Variants in RIMS1 observed in about 807,000 individuals in gnomAD.
RIMS1 encodes regulating synaptic membrane exocytosis protein 1.
A neutral mutation model predicts 214.1 loss-of-function variants in RIMS1; 83 were observed. That is an observed-to-expected ratio of 0.39 (90% CI 0.32 to 0.47). The LOEUF is 0.47. Among genes scored for constraint, RIMS1 ranks in the 20% least tolerant of loss-of-function variants. The probability of loss-of-function intolerance (pLI) is 0.99; values close to 1 mark genes in which losing one functional copy is unlikely to be tolerated. For missense variants in RIMS1, 2,050 were observed against 2,161.8 expected (o/e 0.95, Z 1.03); for synonymous variants, 793 against 786.8 (o/e 1.01, Z -0.13).
At chr6:71,963,680 C>T (rs368787978) in intron 1 of RIMS1, among the ~76,000 whole-genome samples, 1 of 151,982 alleles carries the variant, frequency 6.6e-6, no homozygotes. Flanking sequence ...AGAGAGTGAA[C>T]GTTACTCAAA....
intron 24 of RIMS1, among the ~76,000 whole-genome samples, chr6:72,286,726 G>A (rs1021817364): frequency 2.0e-5 from 3 of 151,788 alleles, no homozygotes; most frequent in Non-Finnish European, 2.9e-5. Flanking sequence ...CACGTGAACC[G>A]AAGACACAGT....
rs189843563 is a variant in RIMS1 at position 72,379,410 on chromosome 6, A to T, written c.4367-11188A>T. Among the ~76,000 whole-genome samples, 343 of 152,370 alleles carry T rather than the reference A, an allele frequency of 2.3e-3. 2 individuals carry two copies. Among genetic ancestry groups the T allele is most frequent in the Non-Finnish European group, 4.1e-3 (280 of 68,038 alleles). Reference sequence around the variant, plus strand: ...ATGTGGTCAGTCCTTAACTTAGAAGATAGGAAGTTTACCAGTAAAACAAAT... The same window carrying T: ...ATGTGGTCAGTCCTTAACTTAGAAGTTAGGAAGTTTACCAGTAAAACAAAT... On this transcript the variant is annotated intron_variant, in intron 29 of 33. Coordinates refer to ENST00000521978, the MANE Select transcript of RIMS1 (RefSeq NM_014989.7).
intron 29 of RIMS1, among the ~76,000 whole-genome samples, chr6:72,387,486 C>T (rs1267917798): frequency 1.3e-5 from 2 of 152,220 alleles, no homozygotes; most frequent in Non-Finnish European, 2.9e-5. Context: ...GTGGCCACTG[C>T]TCTACCATAG....
chr6:72,088,937 G>C lies in RIMS1; in HGVS notation c.246-8012G>C, dbSNP rs117292761. ...AGAGAAGAGAGGGAAGGAGAGGTGAGGAGGGGAAGGAAAGGAGGGGAAGAG... is the reference window on the plus strand; with the variant it reads ...AGAGAAGAGAGGGAAGGAGAGGTGACGAGGGGAAGGAAAGGAGGGGAAGAG... On this transcript the variant is annotated intron_variant, in intron 2 of 33. Transcript: ENST00000521978. Among the ~76,000 whole-genome samples the C allele has an allele frequency of 3.0e-4, 46 of 151,636 alleles. 3 individuals are homozygous for C. The East Asian group carries it at 8.0e-3, about 26-fold the overall frequency.
At chr6:72,310,433 C>T (rs546104881) in intron 27 of RIMS1, among the ~76,000 whole-genome samples, 1 of 151,800 alleles carries the variant, frequency 6.6e-6, no homozygotes, top group Non-Finnish European at 1.5e-5. Context: ...TACAGAGTGG[C>T]ATACCTTAAT....
At chr6:72,392,075 A>G (rs1020354594) in intron 30 of RIMS1, among the ~76,000 whole-genome samples, 2 of 152,240 alleles carry the variant, frequency 1.3e-5, no homozygotes, top group African/African-American at 4.8e-5. Flanking sequence ...TAATGAGCAT[A>G]GTTGTCATTA....
In RIMS1 at chr6:72,192,131, C is replaced by T. The variant is rs372233330; in HGVS notation, c.1678+8982C>T. Among the ~76,000 whole-genome samples the T allele has an allele frequency of 5.3e-5, 8 of 152,248 alleles. No individual in the cohort carries two copies. The South Asian group carries it at 6.2e-4, about 12-fold the overall frequency. ...TGGGGAAATGGCCACAGGATGTGTC[C>T]GGGGACCCACTGGACCCACTGTAAG... On this transcript the variant is annotated intron_variant, in intron 6 of 33. Coordinates refer to ENST00000521978, the MANE Select transcript of RIMS1 (RefSeq NM_014989.7).
At chr6:72,220,636 T>C (rs547723585) in intron 6 of RIMS1, among the ~76,000 whole-genome samples, 45 of 152,124 alleles carry the variant, frequency 3.0e-4, no homozygotes, top group Non-Finnish European at 6.3e-4. Flanking sequence ...GGTGTTTTCA[T>C]TGGCTCTGCC....
chr6:71,900,285 A>C (rs1773202964), intron 1 of RIMS1, among the ~76,000 whole-genome samples: 1 of 152,180 alleles, frequency 6.6e-6, no homozygotes, highest in South Asian at 2.1e-4. Flanking sequence ...AAGAGGAAAA[A>C]GTCTGCAAAA....
chr6:72,191,432 A>G (rs551244094), intron 6 of RIMS1, among the ~76,000 whole-genome samples: 2 of 152,386 alleles, frequency 1.3e-5, no homozygotes, highest in African/African-American at 2.4e-5. Flanking sequence ...ATGTTTCATC[A>G]GTAAGTCCAG....
At chr6:72,265,839 A>G (rs2080267635) in intron 21 of RIMS1, 121 bp from the exon 22 acceptor site, 2 of 680,458 alleles carry the variant, frequency 2.9e-6, no homozygotes, top group Non-Finnish European at 5.0e-6. Context: ...ACTGAATCCC[A>G]GTGATTCTAC....
chr6:72,245,913 A>G, intron 11 of RIMS1, 52 bp downstream of exon 11: 1 of 1,271,616 alleles, frequency 7.9e-7, no homozygotes, highest in Non-Finnish European at 1.1e-6. Context: ...AATTGAAAGT[A>G]AAGATTTCTA....
At chr6:71,940,943 GT>G (rs549206766) in intron 1 of RIMS1, among the ~76,000 whole-genome samples, 8 of 151,460 alleles carry the variant, frequency 5.3e-5, no homozygotes, top group Admixed American at 6.6e-5. Context: ...TAATTGCAAG[GT>G]TTTTTTTTAA....
chr6:72,097,137 G>C lies in RIMS1; in HGVS notation c.434G>C (p.Gly145Ala), dbSNP rs2031987982. 11 of 1,613,812 alleles carry C rather than the reference G, an allele frequency of 6.8e-6. No individual in the cohort carries two copies. The highest frequency in any genetic ancestry group is 7.6e-6 in the Non-Finnish European group (9 of 1,179,876). The change falls in exon 3 of 34, where the codon GGC becomes GCC. Residue 145 changes from glycine to alanine, a missense_variant. Physicochemically the swap from Gly to Ala is moderately conservative, Grantham distance 60. Around this residue, in one of 6 missense-constraint regions of RIMS1, gnomAD observed 882 missense variants for 828.9 expected, o/e 1.06. Transcript: ENST00000521978. Reference protein sequence around the residue: ...CRTKFCARCGGRVSLRSNNED... With the variant: ...CRTKFCARCGARVSLRSNNED... ...ACTAAGTTCTGTGCGCGCTGCGGAG[G>C]CCGCGTGTCTCTACGGTCAAACAAC...
intron 26 of RIMS1, among the ~76,000 whole-genome samples, chr6:72,294,275 ATTG>A (rs2093801544): frequency 6.6e-6 from 1 of 151,706 alleles, no homozygotes; most frequent in African/African-American, 2.4e-5. Flanking sequence ...GATTGATTTC[ATTG>A]TTGTTCTTAA....
intron 24 of RIMS1, among the ~76,000 whole-genome samples, chr6:72,284,653 G>A (rs940451780): frequency 6.7e-6 from 1 of 149,744 alleles, no homozygotes; most frequent in African/African-American, 2.5e-5. Flanking sequence ...TTCCACAAAG[G>A]TTTTAAGTAT....
chr6:71,967,270 C>G (rs947840268), intron 1 of RIMS1, among the ~76,000 whole-genome samples: 3 of 151,980 alleles, frequency 2.0e-5, no homozygotes, highest in Non-Finnish European at 2.9e-5. Flanking sequence ...CGCCTGTAGT[C>G]CCAGCTACTC....
chr6:72,278,503 GACAA>G (rs1326330568), intron 23 of RIMS1, among the ~76,000 whole-genome samples: 1 of 152,000 alleles, frequency 6.6e-6, no homozygotes, highest in Admixed American at 6.5e-5. Flanking sequence ...AATATTCTGG[GACAA>G]ACAAATCACA....
chr6:72,355,097 A>G lies in RIMS1; in HGVS notation c.4366+21262A>G, dbSNP rs184431174. Among the ~76,000 whole-genome samples the G allele has an allele frequency of 4.2e-4, 64 of 152,330 alleles. 2 individuals carry two copies. The highest frequency in any genetic ancestry group is 1.5e-3 in the African/African-American group (62 of 41,582). On this transcript the variant is annotated intron_variant, in intron 29 of 33. Transcript: ENST00000521978. The stretch of plus-strand genomic sequence containing the variant: ...GAGAGTGAATACATGCATTTTGTAT[A>G]CTTAACTAAAGTTTTATTTTCTGTT...
Sources: allele counts gnomAD v4.1 joint callset (sites outside exome capture counted in the v4.1 genomes callset), GRCh38; gene constraint gnomAD v4.1.1; regional missense constraint gnomAD v4.1.1; transcripts MANE v1.5; gene names NCBI Gene and HGNC (gene_info 2026-07-23, HGNC 2026-07-21).